The following ZNF423 variants were observed in gnomAD, a reference collection of about 807,000 sequenced individuals.
The protein encoded by ZNF423 is zinc finger protein 423.
Under a neutral mutation model 95.8 loss-of-function variants are expected in ZNF423, and 12 were observed. The observed-to-expected ratio is 0.13, with a 90% CI of 0.08 to 0.20. The LOEUF (loss-of-function observed/expected upper bound fraction) is 0.20, where lower values mean the gene tolerates loss of function less well. Ranked by LOEUF, ZNF423 falls within the 10% of genes least tolerant of loss-of-function variation. The probability of loss-of-function intolerance (pLI) is 1.00; values close to 1 mark genes in which losing one functional copy is unlikely to be tolerated. For missense variants in ZNF423, 1,316 were observed against 1,737.1 expected, an observed-to-expected ratio of 0.76 and a Z score of 4.31; for synonymous variants, 749 against 711.9, an observed-to-expected ratio of 1.05 and a Z score of -0.83.
rs576971870 is a variant in ZNF423 at position 49,584,502 on chromosome 16, G to A, written c.3601+41668C>T. Among the ~76,000 whole-genome samples, 9 of 152,264 alleles carry A rather than the reference G, an allele frequency of 5.9e-5. No individual in the cohort carries two copies. In the East Asian group the frequency reaches 1.2e-3, roughly 20 times the overall value. ...CTATAGGAATTGTCTGTACTCATAC[G>A]CTGGGGCTGCCATAATGAAGAACCA... is the stretch of plus-strand genomic sequence containing the variant. On this transcript the variant is annotated intron_variant, in intron 5 of 7. Transcript: ENST00000563137.
At chr16:49,558,906 AC>A (rs1756868305) in intron 5 of ZNF423, among the ~76,000 whole-genome samples, 1 of 152,188 alleles carries the variant, frequency 6.6e-6, no homozygotes, top group Non-Finnish European at 1.5e-5. Context: ...GGGGGGTCCC[AC>A]CTGGAGGGGC....
chr16:49,728,551 C>A (rs10852602), intron 3 of ZNF423, among the ~76,000 whole-genome samples: 24,406 of 152,056 alleles, frequency 0.16, 2,151 homozygotes, highest in East Asian at 0.28. Context: ...ACAGGGCTGC[C>A]ATGGATTTCA....
chr16:49,808,672 G>C (rs2143944939), intron 1 of ZNF423, among the ~76,000 whole-genome samples: 1 of 152,310 alleles, frequency 6.6e-6, no homozygotes, highest in Non-Finnish European at 1.5e-5. Context: ...GGGAGGGGCG[G>C]GGGACATGCT....
At chr16:49,511,537 A>T (rs1967895237) in intron 7 of ZNF423, among the ~76,000 whole-genome samples, 1 of 152,188 alleles carries the variant, frequency 6.6e-6, no homozygotes. Flanking sequence ...GGCTACCCAC[A>T]TGAAGGGCTT....
At chr16:49,814,690 T>C (rs1301915520) in intron 1 of ZNF423, among the ~76,000 whole-genome samples, 3 of 151,072 alleles carry the variant, frequency 2.0e-5, no homozygotes, top group African/African-American at 7.3e-5. Flanking sequence ...AAGCCACTAT[T>C]GTAAAAAAAA....
intron 5 of ZNF423, among the ~76,000 whole-genome samples, chr16:49,557,104 A>G (rs531370931): frequency 3.5e-4 from 53 of 152,330 alleles, no homozygotes; most frequent in South Asian, 1.7e-3. Context: ...GATGATCAAA[A>G]AGGTTATAAA....
intron 5 of ZNF423, among the ~76,000 whole-genome samples, chr16:49,531,402 G>C (rs1968841096): frequency 1.3e-5 from 2 of 151,984 alleles, no homozygotes; most frequent in South Asian, 4.2e-4. Flanking sequence ...CACTCATCCA[G>C]GCAAATCTTG....
At chr16:49,846,480 G>A (rs1334463352) in intron 1 of ZNF423, among the ~76,000 whole-genome samples, 2 of 152,124 alleles carry the variant, frequency 1.3e-5, no homozygotes, top group African/African-American at 4.8e-5. Flanking sequence ...ATTAGGAGAG[G>A]CTCAAAGGCA....
intron 5 of ZNF423, among the ~76,000 whole-genome samples, chr16:49,556,973 T>C (rs1969848944): frequency 6.6e-6 from 1 of 152,186 alleles, no homozygotes; most frequent in Non-Finnish European, 1.5e-5. Flanking sequence ...AAAAAAACTA[T>C]GAGCCCAGAT....
At chr16:49,630,126 C>G (rs1429277724) in intron 4 of ZNF423, among the ~76,000 whole-genome samples, 1 of 152,276 alleles carries the variant, frequency 6.6e-6, no homozygotes, top group East Asian at 1.9e-4. Flanking sequence ...CTGGGAAGAG[C>G]TAGGTAAGTC....
At chr16:49,686,556 G>C (rs555678010) in intron 3 of ZNF423, among the ~76,000 whole-genome samples, 6 of 152,056 alleles carry the variant, frequency 3.9e-5, no homozygotes, top group Admixed American at 3.3e-4. Flanking sequence ...CAGGTCCCCT[G>C]TCAGTGCCCT....
chr16:49,534,824 A>C, intron 5 of ZNF423, among the ~76,000 whole-genome samples: 1 of 151,234 alleles, frequency 6.6e-6, no homozygotes, highest in South Asian at 2.1e-4. Flanking sequence ...CTCCTCCTCT[A>C]CCTCCACACC....
intron 1 of ZNF423, among the ~76,000 whole-genome samples, chr16:49,805,638 T>G (rs1192632292): frequency 6.6e-6 from 1 of 152,172 alleles, no homozygotes; most frequent in Admixed American, 6.5e-5. Context: ...ATGACTCCTT[T>G]TTTCTGAACC....
chr16:49,516,719 A>G (rs1968159490), intron 7 of ZNF423, among the ~76,000 whole-genome samples: 1 of 152,100 alleles, frequency 6.6e-6, no homozygotes, highest in Non-Finnish European at 1.5e-5. Flanking sequence ...CAGGTCATGC[A>G]CCCCTTCCCT....
intron 3 of ZNF423, among the ~76,000 whole-genome samples, chr16:49,661,085 A>T (rs1049175709): frequency 6.6e-6 from 1 of 151,950 alleles, no homozygotes; most frequent in African/African-American, 2.4e-5. Context: ...GCTAGGTGTG[A>T]TGGTGGGCGC....
At chr16:49,499,031 C>A (rs768364583) in intron 7 of ZNF423, among the ~76,000 whole-genome samples, 3 of 152,172 alleles carry the variant, frequency 2.0e-5, no homozygotes, top group Non-Finnish European at 2.9e-5. Flanking sequence ...GCAGTCAATC[C>A]CCCGGGGCCC....
chr16:49,549,121 T>C (rs1232489910), intron 5 of ZNF423, among the ~76,000 whole-genome samples: 1 of 152,164 alleles, frequency 6.6e-6, no homozygotes, highest in Non-Finnish European at 1.5e-5. Context: ...TTGAATGAAA[T>C]GGAAATGCTC....
chr16:49,848,078 T>C (rs1254021012), intron 1 of ZNF423, among the ~76,000 whole-genome samples: 1 of 151,906 alleles, frequency 6.6e-6, no homozygotes, highest in African/African-American at 2.4e-5. Context: ...CACTCCAGCC[T>C]GGGGGACAGA....
intron 5 of ZNF423, among the ~76,000 whole-genome samples, chr16:49,592,061 A>G (rs774798280): frequency 9.2e-5 from 14 of 152,276 alleles, no homozygotes; most frequent in Non-Finnish European, 1.9e-4. Context: ...GGGTTATTAC[A>G]TTAGGTTGGT....
Sources: gnomAD v4.1 joint callset for allele counts (sites outside exome capture counted in the v4.1 genomes callset) on GRCh38, gnomAD v4.1.1 for gene constraint, MANE v1.5 for transcripts, NCBI Gene and HGNC (gene_info 2026-07-23, HGNC 2026-07-21) for gene names.